KMT2C: variants seen among roughly 807,000 people sequenced by gnomAD.
The protein encoded by KMT2C is lysine methyltransferase 2C.
KMT2C carries 88 observed loss-of-function variants against 507.9 expected under a neutral mutation model. That is an observed-to-expected ratio of 0.17 (90% confidence interval 0.15 to 0.21). The LOEUF is 0.21. Among genes scored for constraint, KMT2C ranks in the 10% least tolerant of loss-of-function variants. The pLI is 1.00. For synonymous variants in KMT2C, 2,049 were observed against 2,080.8 expected (o/e 0.98, Z 0.42); for missense variants, 4,954 against 5,957.8 (o/e 0.83, Z 5.55).
chr7:152,434,619 T>C (rs866999306), intron 1 of KMT2C, among the ~76,000 whole-genome samples: 1 of 152,152 alleles, frequency 6.6e-6, no homozygotes, highest in South Asian at 2.1e-4. Flanking sequence ...ACACACGCCA[T>C]TCTACAACTT....
chr7:152,165,251 A>G (rs1011140920), intron 42 of KMT2C, among the ~76,000 whole-genome samples: 2 of 152,230 alleles, frequency 1.3e-5, no homozygotes, highest in African/African-American at 4.8e-5. Context: ...TTAAAACATT[A>G]CCATCAACTG....
At chr7:152,348,449 A>G (rs531473953) in intron 2 of KMT2C, among the ~76,000 whole-genome samples, 1 of 151,570 alleles carries the variant, frequency 6.6e-6, no homozygotes, top group Non-Finnish European at 1.5e-5. Context: ...ATACAAAAAA[A>G]GTAGCCAGGC....
At chr7:152,147,297 C>T (rs540009954) in intron 52 of KMT2C, among the ~76,000 whole-genome samples, 8 of 152,122 alleles carry the variant, frequency 5.3e-5, no homozygotes, top group African/African-American at 1.2e-4. Context: ...TCTAAACTTA[C>T]GTAATATCTG....
chr7:152,303,717 G>GT (rs1236304142), intron 6 of KMT2C, among the ~76,000 whole-genome samples: 1 of 152,230 alleles, frequency 6.6e-6, no homozygotes, highest in Non-Finnish European at 1.5e-5. Context: ...GCTGTGCATG[G>GT]TGGCTCATGC....
chr7:152,378,808 G>A lies in KMT2C; in HGVS notation c.162-20133C>T, dbSNP rs879960271. On this transcript the variant is annotated intron_variant, in intron 1 of 58. Coordinates refer to ENST00000262189, the MANE Select transcript of KMT2C (RefSeq NM_170606.3). ...CAATATTTTCTTCACTCTGAAGTAA[G>A]TATTTCCAACAGTGTATTATGTCAG... Among the ~76,000 whole-genome samples the A allele has an allele frequency of 2.0e-5, 3 of 152,006 alleles. No individual in the cohort carries two copies. In the South Asian group the frequency reaches 6.2e-4, roughly 32 times the overall value.
chr7:152,214,463 C>T (rs981839934), intron 23 of KMT2C, among the ~76,000 whole-genome samples: 16 of 152,106 alleles, frequency 1.1e-4, no homozygotes, highest in African/African-American at 3.9e-4. Flanking sequence ...AATGAACATA[C>T]AGCAGGTCCT....
chr7:152,218,198 C>T (rs2094638157), intron 23 of KMT2C, among the ~76,000 whole-genome samples: 1 of 152,148 alleles, frequency 6.6e-6, no homozygotes, highest in Non-Finnish European at 1.5e-5. Flanking sequence ...TGGAGTCTCA[C>T]TCTGTCACCA....
At chr7:152,154,663 G>C (rs149887467) in intron 46 of KMT2C, among the ~76,000 whole-genome samples, 2 of 152,136 alleles carry the variant, frequency 1.3e-5, no homozygotes, top group African/African-American at 4.8e-5. Flanking sequence ...TCCTTTTAAC[G>C]AAAGCTTCAG....
At chr7:152,297,693 T>C (rs1326676374) in intron 6 of KMT2C, among the ~76,000 whole-genome samples, 1 of 152,052 alleles carries the variant, frequency 6.6e-6, no homozygotes, top group Non-Finnish European at 1.5e-5. Flanking sequence ...AATGAAACGG[T>C]TTATAAGTAA....
chr7:152,400,702 C>T (rs918917725), intron 1 of KMT2C, among the ~76,000 whole-genome samples: 3 of 152,152 alleles, frequency 2.0e-5, no homozygotes, highest in Non-Finnish European at 4.4e-5. Flanking sequence ...CTCACATATT[C>T]TTTCTTAGCT....
At chr7:152,264,859 A>G (rs2095837096) in intron 8 of KMT2C, among the ~76,000 whole-genome samples, 179 bp downstream of exon 8, 1 of 151,290 alleles carries the variant, frequency 6.6e-6, no homozygotes, top group African/African-American at 2.4e-5. Flanking sequence ...AAATTATATT[A>G]TGGATATATA....
intron 26 of KMT2C, among the ~76,000 whole-genome samples, chr7:152,200,719 G>T (rs2094111779): frequency 6.6e-6 from 1 of 152,068 alleles, no homozygotes; most frequent in Non-Finnish European, 1.5e-5. Context: ...GACAGAGTGA[G>T]GCTGTCTCAA....
intron 6 of KMT2C, among the ~76,000 whole-genome samples, chr7:152,305,533 C>A (rs904257477): frequency 6.6e-6 from 1 of 151,620 alleles, no homozygotes; most frequent in African/African-American, 2.4e-5. Flanking sequence ...TCATGTAGAG[C>A]CTTACAGGTT....
rs536310124 is a variant in KMT2C at position 152,411,042 on chromosome 7, T to C, written c.161+24584A>G. 2.0e-4 allele frequency among the ~76,000 whole-genome samples: 31 copies of C among 152,276 alleles called. 1 individual carries two copies. The highest frequency in any genetic ancestry group is 7.5e-4 in the African/African-American group (31 of 41,550). ...TATGGTGTGTGTATATATGTATATGTGTGTATATGTGTGCATACACACACA... is the reference window on the plus strand; with the variant it reads ...TATGGTGTGTGTATATATGTATATGCGTGTATATGTGTGCATACACACACA... On this transcript the variant is annotated intron_variant, in intron 1 of 58. Transcript: ENST00000262189.
At chr7:152,343,374 T>A (rs2097017894) in intron 2 of KMT2C, among the ~76,000 whole-genome samples, 1 of 145,602 alleles carries the variant, frequency 6.9e-6, no homozygotes, top group African/African-American at 2.6e-5. Flanking sequence ...CTCACACAGC[T>A]GAGGAAACAA....
intron 1 of KMT2C, among the ~76,000 whole-genome samples, chr7:152,381,611 AAATAT>A (rs2097374722): frequency 6.6e-6 from 1 of 152,288 alleles, no homozygotes. Flanking sequence ...ATATCTTAAG[AAATAT>A]AACACCATTT....
chr7:152,287,181 A>G (rs1353488436), intron 6 of KMT2C, among the ~76,000 whole-genome samples: 1 of 152,210 alleles, frequency 6.6e-6, no homozygotes, highest in African/African-American at 2.4e-5. Context: ...ACCCAGTGAT[A>G]AGGACATATC....
chr7:152,359,848 C>T (rs1278792267), intron 1 of KMT2C, among the ~76,000 whole-genome samples: 2 of 149,432 alleles, frequency 1.3e-5, no homozygotes, highest in Non-Finnish European at 3.0e-5. Context: ...CAGGAGGTCA[C>T]GAACAGCCTG....
At chr7:152,351,859 G>A (rs1433916924) in intron 2 of KMT2C, among the ~76,000 whole-genome samples, 7 of 151,928 alleles carry the variant, frequency 4.6e-5, no homozygotes, top group Non-Finnish European at 7.4e-5. Context: ...GATGTATGTC[G>A]CCTCAGGACC....
Sources: allele counts gnomAD v4.1 joint callset (sites outside exome capture counted in the v4.1 genomes callset), GRCh38; gene constraint gnomAD v4.1.1; transcripts MANE v1.5; gene names NCBI Gene and HGNC (gene_info 2026-07-23, HGNC 2026-07-21).